The following RPS3A variants were observed in gnomAD, a reference collection of about 807,000 sequenced individuals.
The protein encoded by RPS3A is small ribosomal subunit protein eS1.
Under a neutral mutation model 26.4 loss-of-function variants are expected in RPS3A, and 1 was observed. That is an observed-to-expected ratio of 0.04 (90% CI 0.01 to 0.18). The LOEUF is 0.18. Ranked by LOEUF, RPS3A falls within the 10% of genes least tolerant of loss-of-function variation. The pLI is 1.00. For missense variants in RPS3A, 139 were observed against 326.8 expected, an observed-to-expected ratio of 0.43 and a Z score of 4.43; for synonymous variants, 97 against 106.1, an observed-to-expected ratio of 0.91 and a Z score of 0.53.
chr4:151,103,404 C>T, intron 4 of RPS3A: 1 of 614,752 alleles, frequency 1.6e-6, no homozygotes, highest in Non-Finnish European at 2.1e-6. Flanking sequence ...CAGGGGACTG[C>T]CACCATACCC....
chr4:151,104,349 T>C (rs1189957785), intron 5 of RPS3A, 63 bp downstream of exon 5: 13 of 1,559,632 alleles, frequency 8.3e-6, no homozygotes, highest in Non-Finnish European at 1.1e-5. Context: ...GGAGGAGGAG[T>C]GTGGGGCCAT....
At chr4:151,103,223 G>C in intron 4 of RPS3A, 144 bp downstream of exon 4, 1 of 1,373,724 alleles carries the variant, frequency 7.3e-7, no homozygotes, top group Non-Finnish European at 9.6e-7. Flanking sequence ...AAGTGAAAGA[G>C]TGTTAAGTAC....
intron 1 of RPS3A, 136 bp from the exon 2 acceptor site, chr4:151,100,348 TC>T: frequency 1.7e-6 from 1 of 603,502 alleles, no homozygotes; most frequent in East Asian, 2.8e-5. Context: ...TTTGTTCCCC[TC>T]ACCTCACTGT....
Position 151,104,535 on chromosome 4 carries a change from C to G in RPS3A, c.737C>G (p.Thr246Arg), listed in dbSNP as rs752826990. The change falls in exon 6 of 6, where the codon ACA (threonine) becomes AGA (arginine). Residue 246 changes from threonine to arginine, a missense_variant. Thr to Arg is a moderately conservative substitution (Grantham distance 71). Coordinates refer to ENST00000274065, the MANE Select transcript of RPS3A (RefSeq NM_001006.5). ...TCTGGAAAAGCCACTGGGGACGAGA[C>G]AGGTGCTAAAGTTGAACGAGCTGAT... ...SSSGKATGDE[T>R]GAKVERADGY... 3 of 1,555,290 alleles carry G rather than the reference C, an allele frequency of 1.9e-6. No homozygotes were observed. The highest frequency in any genetic ancestry group is 1.2e-5 in the South Asian group (1 of 86,334).
chr4:151,102,054 G>A (rs1417169388), intron 3 of RPS3A: 4 of 517,954 alleles, frequency 7.7e-6, no homozygotes, highest in African/African-American at 7.7e-5. Flanking sequence ...TTTTGTATGT[G>A]GGAATGAATG....
At chr4:151,099,851 G>C (rs994621354) in intron 1 of RPS3A, 137 bp downstream of exon 1, 2 of 936,272 alleles carry the variant, frequency 2.1e-6, no homozygotes, top group Admixed American at 2.0e-5. Flanking sequence ...GTGCACCCAG[G>C]AACGCGGCCT....
chr4:151,104,352 G>T, intron 5 of RPS3A, 66 bp downstream of exon 5: 1 of 1,557,970 alleles, frequency 6.4e-7, no homozygotes. Context: ...GGAGGAGTGT[G>T]GGGCCATATC....
At chr4:151,102,668 G>A (rs573300978) in intron 3 of RPS3A, 1 of 588,892 alleles carries the variant, frequency 1.7e-6, no homozygotes, top group South Asian at 2.1e-5. Context: ...GAGAGGACCT[G>A]GTTATTTAAT....
intron 4 of RPS3A, chr4:151,103,787 A>G (rs775509837): frequency 7.4e-7 from 1 of 1,342,616 alleles, no homozygotes; most frequent in Non-Finnish European, 9.9e-7. Flanking sequence ...GAAAAAATAC[A>G]CTGAATAGAC....
Position 151,103,307 on chromosome 4 carries a change from T to C in RPS3A, c.563+228T>C, listed in dbSNP as rs80164897. ...CTCTGTTGCCCAGGCTCGAGTGCAG[T>C]ATTGTGATCCTCCTTGGCTCACTGT... On this transcript the variant is annotated intron_variant, in intron 4 of 5. Transcript: ENST00000274065. 5.8e-5 allele frequency: 49 copies of C among 839,168 alleles called. No homozygotes were observed. The African/African-American group carries it at 6.5e-4, about 11-fold the overall frequency. 52.0% of individuals were successfully genotyped at this position (839,168 alleles called of 1,614,324 possible).
At chr4:151,103,989 A>G in intron 4 of RPS3A, 188 bp from the exon 5 acceptor site, 4 of 1,514,194 alleles carry the variant, frequency 2.6e-6, no homozygotes, top group South Asian at 2.5e-5. Flanking sequence ...TAGCTATGTA[A>G]TTCAGATCAT....
intron 4 of RPS3A, chr4:151,103,971 C>A: frequency 6.6e-7 from 1 of 1,516,726 alleles, no homozygotes; most frequent in Non-Finnish European, 8.9e-7. Flanking sequence ...ACTAACTTTG[C>A]CACTAGCTAG....
chr4:151,101,190 T>G (rs1358584467), intron 3 of RPS3A, 28 bp downstream of exon 3: 2 of 1,511,120 alleles, frequency 1.3e-6, no homozygotes. Flanking sequence ...TTAGAGTGGT[T>G]GTGCTATGGG....
Position 151,103,099 on chromosome 4 carries a change from C to T in RPS3A, c.563+20C>T. 1 of 1,590,524 alleles carries T rather than the reference C, an allele frequency of 6.3e-7. No homozygotes were observed. On this transcript the variant is annotated intron_variant, in intron 4 of 5. Coordinates refer to ENST00000274065, the MANE Select transcript of RPS3A (RefSeq NM_001006.5). ...TAAATTGTAAGTGTTTCTTTGCTTC[C>T]TCACACAACACAACCTTGAGTATTG...
In RPS3A at chr4:151,104,449, T is replaced by TTTTG; in HGVS notation, c.674-20_674-19insGTTT. 2.9e-6 allele frequency: 4 copies of TTTTG among 1,393,820 alleles called. No individual in the cohort carries two copies. The South Asian group carries it at 4.8e-5, about 17-fold the overall frequency. The allele number at this position is 1,393,820 out of a possible 1,614,324, so 86.3% of individuals were successfully genotyped here. A position where few individuals can be genotyped will look rare whatever the true frequency, so the allele number is the denominator to read the frequency against. Reference sequence around the variant, plus strand: ...ACTAACAGTTTTTTGGTTTTTTTTTTTTTTTTTTTTTTTGCCTTTTAGTGG... The same window carrying TTTTG: ...ACTAACAGTTTTTTGGTTTTTTTTTTTTTGTTTTTTTTTTTTTGCCTTTTAGTGG... On this transcript the variant is annotated intron_variant, in intron 5 of 5. Transcript: ENST00000274065.
Position 151,102,816 on chromosome 4 carries a change from G to A in RPS3A, c.355-55G>A, listed in dbSNP as rs145720730. 3.8e-4 allele frequency: 588 copies of A among 1,539,574 alleles called. 1 individual carries two copies. In the African/African-American group the frequency reaches 7.6e-3, roughly 20 times the overall value. On this transcript the variant is annotated intron_variant, in intron 3 of 5. Coordinates refer to ENST00000274065, the MANE Select transcript of RPS3A (RefSeq NM_001006.5). ...CCAGCTTTTTAAAATTAGAACTTGA[G>A]GGATAAATGGATAACGTAAAACCTG...
At chr4:151,101,733 G>C (rs1747120654) in intron 3 of RPS3A, among the ~76,000 whole-genome samples, 1 of 152,110 alleles carries the variant, frequency 6.6e-6, no homozygotes, top group Admixed American at 6.6e-5. Flanking sequence ...GGAATATTTT[G>C]TGGGAGTTTT....
chr4:151,102,038 C>G (rs370064042), intron 3 of RPS3A: 3 of 517,608 alleles, frequency 5.8e-6, no homozygotes, highest in South Asian at 4.2e-5. Flanking sequence ...TGGCACAGTT[C>G]GAATATTTTG....
intron 1 of RPS3A, among the ~76,000 whole-genome samples, chr4:151,100,243 T>C (rs894231450): frequency 1.3e-5 from 2 of 152,160 alleles, no homozygotes; most frequent in Non-Finnish European, 2.9e-5. Context: ...TAAGTGCCTG[T>C]GTAGTGGATG....
Sources: gnomAD v4.1 joint callset for allele counts (sites outside exome capture counted in the v4.1 genomes callset) on GRCh38, gnomAD v4.1.1 for gene constraint, MANE v1.5 for transcripts, NCBI Gene and HGNC (gene_info 2026-07-23, HGNC 2026-07-21) for gene names.